The following STK3 variants were observed in gnomAD, a reference collection of about 807,000 sequenced individuals.
The protein encoded by STK3 is serine/threonine kinase 3.
In STK3, 41 loss-of-function variants were observed where a neutral mutation model predicts 58.0. The observed-to-expected ratio is 0.71, with a 90% confidence interval of 0.55 to 0.92. The LOEUF is 0.92. Ranked by LOEUF, STK3 falls within the 40% of genes least tolerant of loss-of-function variation. The pLI, the probability that STK3 is intolerant of heterozygous loss-of-function variation, is 0.00. For missense variants in STK3, 479 were observed against 602.7 expected, an observed-to-expected ratio of 0.79 and a Z score of 2.15; for synonymous variants, 170 against 191.0, an observed-to-expected ratio of 0.89 and a Z score of 0.91.
intron 3 of STK3, among the ~76,000 whole-genome samples, chr8:98,878,573 A>G (rs1837655825): frequency 6.6e-6 from 1 of 152,004 alleles, no homozygotes; most frequent in African/African-American, 2.4e-5. Context: ...AAATTAGCCA[A>G]TCGGAATTAG....
chr8:98,375,031 G>A (rs1157306250), intron 2 of STK3, among the ~76,000 whole-genome samples: 1 of 151,938 alleles, frequency 6.6e-6, no homozygotes, highest in Non-Finnish European at 1.5e-5. Flanking sequence ...CTGGAGCCGA[G>A]GAGTTCAAAA....
chr8:98,451,899 CAAA>C (rs66941470), downstream of STK3, among the ~76,000 whole-genome samples: 24 of 139,134 alleles, frequency 1.7e-4, no homozygotes, highest in Non-Finnish European at 3.0e-4. Context: ...AAAAAAAAAA[CAAA>C]AAAAAAAACC....
At chr8:98,674,610 G>A (rs984519037) in intron 6 of STK3, among the ~76,000 whole-genome samples, 6 of 152,044 alleles carry the variant, frequency 3.9e-5, no homozygotes, top group Non-Finnish European at 8.8e-5. Flanking sequence ...GTCAACAAAT[G>A]AAGAGATCAC....
intron 1 of STK3, among the ~76,000 whole-genome samples, chr8:98,935,538 A>G (rs1245504018): frequency 6.6e-6 from 1 of 152,182 alleles, no homozygotes; most frequent in Non-Finnish European, 1.5e-5. Flanking sequence ...GCTTAAAACA[A>G]CCTATTCATT....
chr8:98,381,968 TTTATC>T lies in STK3; in HGVS notation n.57-2766_57-2762del, dbSNP rs1350404872. On this transcript the variant is annotated intron_variant and non_coding_transcript_variant, in intron 1 of 2. Coordinates refer to the STK3 transcript ENST00000518704. Reference sequence around the variant, plus strand: ...AAAATTAAATTGCATTAAAATATTATTTATCTTGAGTGTTGAGTTTTTTGTCACCT... The same window carrying T: ...AAAATTAAATTGCATTAAAATATTATTTGAGTGTTGAGTTTTTTGTCACCT... Among the ~76,000 whole-genome samples the T allele has an allele frequency of 2.6e-5, 4 of 152,244 alleles. No individual in the cohort carries two copies. The East Asian group carries it at 5.8e-4, about 22-fold the overall frequency.
At chr8:98,390,751 A>G (rs1022620861), upstream of STK3, among the ~76,000 whole-genome samples, 1 of 151,508 alleles carries the variant, frequency 6.6e-6, no homozygotes, top group African/African-American at 2.4e-5. Context: ...TCTGTTTTTT[A>G]GATTAGGTCA....
intron 1 of STK3, among the ~76,000 whole-genome samples, chr8:98,808,732 C>T (rs1042113177): frequency 1.3e-5 from 2 of 151,992 alleles, no homozygotes; most frequent in African/African-American, 4.8e-5. Context: ...TGGAATTTCC[C>T]GAATGATAAG....
At chr8:98,409,421 G>A (rs969299994) in intron 3 of STK3, among the ~76,000 whole-genome samples, 1 of 152,188 alleles carries the variant, frequency 6.6e-6, no homozygotes, top group Non-Finnish European at 1.5e-5. Flanking sequence ...GCCATTCCCT[G>A]CATCCTTCAG....
chr8:98,815,598 C>T (rs895234130), intron 1 of STK3, among the ~76,000 whole-genome samples: 4 of 152,080 alleles, frequency 2.6e-5, no homozygotes, highest in Non-Finnish European at 5.9e-5. Context: ...AGACAATTTG[C>T]GCTTCAGTGA....
In STK3 at chr8:98,706,568, C is replaced by T. The variant is rs1365638423; in HGVS notation, c.583G>A (p.Glu195Lys). 1 of 1,613,720 alleles carries T rather than the reference C, an allele frequency of 6.2e-7. No homozygotes were observed. The highest frequency in any genetic ancestry group is 8.5e-7 in the Non-Finnish European group (1 of 1,179,800). Residue 195 changes from glutamate (E) to lysine (K), a missense_variant, in exon 6 of 11, where the codon GAA becomes AAA. This residue lies in a region of STK3 where 126 missense variants were observed against 210.1 expected (regional missense o/e 0.60). Coordinates refer to ENST00000419617, the MANE Select transcript of STK3 (RefSeq NM_006281.4). ...PFWMAPEVIQ[E>K]IGYNCVADIW... ...TCGGCCACACAGTTATAGCCTATTT[C>T]TTGAATCACCTCAGGAGCCATCCAA...
intron 6 of STK3, among the ~76,000 whole-genome samples, chr8:98,684,243 G>A (rs1587285942): frequency 6.6e-6 from 1 of 152,116 alleles, no homozygotes; most frequent in South Asian, 2.1e-4. Context: ...AGACATCTCA[G>A]CAGCCATAAG....
chr8:98,642,474 TAGA>T (rs552235493), intron 6 of STK3, among the ~76,000 whole-genome samples: 18 of 152,174 alleles, frequency 1.2e-4, no homozygotes, highest in Admixed American at 3.3e-4. Context: ...CTTAAACCTT[TAGA>T]AGATTAGTAT....
intron 4 of STK3, among the ~76,000 whole-genome samples, chr8:98,709,179 G>C (rs1247946869): frequency 6.6e-6 from 1 of 152,016 alleles, no homozygotes; most frequent in Non-Finnish European, 1.5e-5. Context: ...ATAGAAAATA[G>C]GATAACACAG....
chr8:98,931,356 C>T (rs1204857901), intron 1 of STK3, among the ~76,000 whole-genome samples: 3 of 152,148 alleles, frequency 2.0e-5, no homozygotes, highest in Non-Finnish European at 4.4e-5. Context: ...AAAATGCAAG[C>T]ACACAGCTCA....
intron 3 of STK3, among the ~76,000 whole-genome samples, chr8:98,752,199 A>G (rs1033272972): frequency 2.6e-5 from 4 of 152,202 alleles, no homozygotes; most frequent in Non-Finnish European, 5.9e-5. Context: ...TTCAAAATAC[A>G]CTACAGGGCT....
intron 3 of STK3, among the ~76,000 whole-genome samples, chr8:98,409,771 C>A (rs1818035203): frequency 6.6e-6 from 1 of 152,252 alleles, no homozygotes; most frequent in Non-Finnish European, 1.5e-5. Flanking sequence ...TCCCTTCTGA[C>A]TCATGCCCAG....
intron 1 of STK3, among the ~76,000 whole-genome samples, chr8:98,790,028 C>CAA (rs530630466): frequency 0.037 from 3,269 of 88,450 alleles, 256 homozygotes; most frequent in Middle Eastern, 0.048. Flanking sequence ...GACTTCATCT[C>CAA]AAAAAAAAAA....
chr8:98,614,678 G>A (rs553441922), intron 6 of STK3, among the ~76,000 whole-genome samples: 3 of 152,200 alleles, frequency 2.0e-5, no homozygotes, highest in Admixed American at 6.5e-5. Flanking sequence ...TTCCCTTTCC[G>A]AGTCAAAGAA....
chr8:98,507,239 CGTA>C (rs1163143898), intron 10 of STK3, among the ~76,000 whole-genome samples: 2 of 152,176 alleles, frequency 1.3e-5, no homozygotes, highest in African/African-American at 4.8e-5. Context: ...GACACACAAT[CGTA>C]TATTTGGTAT....
Sources: allele counts gnomAD v4.1 joint callset (sites outside exome capture counted in the v4.1 genomes callset), GRCh38; gene constraint gnomAD v4.1.1; regional missense constraint gnomAD v4.1.1; transcripts MANE v1.5; gene names NCBI Gene and HGNC (gene_info 2026-07-23, HGNC 2026-07-21).